UHRF1: variants seen among roughly 807,000 people sequenced by gnomAD.
The protein encoded by UHRF1 is ubiquitin like with PHD and ring finger domains 1.
A neutral mutation model predicts 96.5 loss-of-function variants in UHRF1; 9 were observed. That is an observed-to-expected ratio of 0.09 (90% CI 0.06 to 0.16). The LOEUF is 0.16. Ranked by LOEUF, UHRF1 falls within the 10% of genes least tolerant of loss-of-function variation. The pLI is 1.00. For missense variants in UHRF1, 626 were observed against 1,131.1 expected (o/e 0.55, Z 6.40); for synonymous variants, 455 against 469.9 (o/e 0.97, Z 0.41).
chr19:4,928,337 G>A (rs964465085), intron 2 of UHRF1, among the ~76,000 whole-genome samples: 2 of 151,790 alleles, frequency 1.3e-5, no homozygotes, highest in Admixed American at 1.3e-4. Flanking sequence ...GGAGGGGGGG[G>A]TCCTAGATGG....
intron 5 of UHRF1, among the ~76,000 whole-genome samples, chr19:4,938,908 T>C (rs2033300407): frequency 6.7e-6 from 1 of 149,834 alleles, no homozygotes; most frequent in South Asian, 2.1e-4. Flanking sequence ...CATGCCTGAC[T>C]AATTTTTTTT....
chr19:4,904,257 C>A (rs1157905894), intron 1 of UHRF1, among the ~76,000 whole-genome samples: 2 of 152,160 alleles, frequency 1.3e-5, no homozygotes, highest in Non-Finnish European at 2.9e-5. Flanking sequence ...CGGCTCACTG[C>A]AAGCTCCGCC....
exon 1 of UHRF1, chr19:4,903,529 G>A (rs2031992526): frequency 6.6e-6 from 1 of 151,712 alleles, no homozygotes; most frequent in Non-Finnish European, 1.5e-5. Context: ...TTTTGTGATG[G>A]TCTCACTCTG....
At chr19:4,929,133 G>A in intron 2 of UHRF1, 89 bp from the exon 3 acceptor site, 1 of 1,520,746 alleles carries the variant, frequency 6.6e-7, no homozygotes, top group African/African-American at 1.4e-5. Context: ...ACAAGGGCTG[G>A]GACACAGTGT....
At chr19:4,906,844 T>G (rs1319010032), upstream of UHRF1, among the ~76,000 whole-genome samples, 1 of 152,238 alleles carries the variant, frequency 6.6e-6, no homozygotes, top group Admixed American at 6.6e-5. Context: ...GATGATGTGT[T>G]CTGATAGAAA....
At chr19:4,942,291 C>G (rs1024802512) in intron 7 of UHRF1, among the ~76,000 whole-genome samples, 1 of 151,590 alleles carries the variant, frequency 6.6e-6, no homozygotes, top group Non-Finnish European at 1.5e-5. Flanking sequence ...CTCGGGTTCA[C>G]GCCATTCTCC....
chr19:4,934,685 G>A (rs758402794), intron 5 of UHRF1, among the ~76,000 whole-genome samples: 24 of 152,254 alleles, frequency 1.6e-4, no homozygotes, highest in African/African-American at 5.8e-4. Flanking sequence ...CTATAAACAC[G>A]AGCATCTTGG....
At chr19:4,934,980 CT>C (rs34325579) in intron 5 of UHRF1, among the ~76,000 whole-genome samples, 22,744 of 149,860 alleles carry the variant, frequency 0.15, 1,982 homozygotes, top group Non-Finnish European at 0.2. Flanking sequence ...TGGTGACTAA[CT>C]TTTTTTTTTT....
intron 9 of UHRF1, 122 bp downstream of exon 9, chr19:4,944,572 C>A: frequency 9.4e-7 from 1 of 1,065,268 alleles, no homozygotes; most frequent in South Asian, 1.4e-5. Context: ...CTCGGCTAGC[C>A]GAGGAGGGGT....
chr19:4,946,183 C>T (rs963694051), intron 10 of UHRF1, among the ~76,000 whole-genome samples: 1 of 152,026 alleles, frequency 6.6e-6, no homozygotes, highest in Non-Finnish European at 1.5e-5. Context: ...GCACTCACTC[C>T]CCACCCCCTC....
intron 2 of UHRF1, among the ~76,000 whole-genome samples, chr19:4,926,521 A>C (rs575194965): frequency 6.6e-6 from 1 of 152,288 alleles, no homozygotes; most frequent in South Asian, 2.1e-4. Flanking sequence ...GTACATATTC[A>C]AACGGGTTTT....
Position 4,940,404 on chromosome 19 carries a change from C to T in UHRF1, c.786-1124C>T, listed in dbSNP as rs189653333. Among the ~76,000 whole-genome samples the T allele has an allele frequency of 4.0e-3, 485 of 119,842 alleles. 1 individual carries two copies. The highest frequency in any genetic ancestry group is 0.014 in the African/African-American group (461 of 33,210). 78.6% of individuals were successfully genotyped at this position (119,842 alleles called of 152,430 possible). The stretch of plus-strand genomic sequence containing the variant: ...TTTTTGAGATGGAGTCTTGCTCTGT[C>T]GCCCATGCTGGAGTGCAGTGGCGTG... On this transcript the variant is annotated intron_variant, in intron 5 of 16. Transcript: ENST00000650932.
At chr19:4,922,938 G>A (rs2032748296) in intron 2 of UHRF1, among the ~76,000 whole-genome samples, 1 of 152,194 alleles carries the variant, frequency 6.6e-6, no homozygotes, top group African/African-American at 2.4e-5. Flanking sequence ...CGAAGTCATG[G>A]AGGGGCGACC....
upstream of UHRF1, among the ~76,000 whole-genome samples, chr19:4,904,643 C>T (rs370175077): frequency 1.4e-4 from 22 of 152,312 alleles, no homozygotes; most frequent in Middle Eastern, 3.4e-3. Context: ...CCTGCATCTC[C>T]CCCATTGGAT....
intron 2 of UHRF1, among the ~76,000 whole-genome samples, chr19:4,924,482 C>G (rs934179891): frequency 1.3e-5 from 2 of 152,324 alleles, no homozygotes; most frequent in East Asian, 3.9e-4. Context: ...CGGGGTTTGG[C>G]AATGTTGCCC....
chr19:4,926,855 G>A (rs7246398), intron 2 of UHRF1, among the ~76,000 whole-genome samples: 1,834 of 152,160 alleles, frequency 0.012, 44 homozygotes, highest in African/African-American at 0.041. Context: ...ACGAGGTCAG[G>A]AGATCGAGAC....
At chr19:4,941,964 A>G in intron 7 of UHRF1, 33 bp downstream of exon 7, 1 of 1,452,214 alleles carries the variant, frequency 6.9e-7, no homozygotes, top group Non-Finnish European at 9.1e-7. Context: ...CGGGGAGACC[A>G]GAGCGCCCCC....
At chr19:4,912,111 G>A (rs372010904) in intron 2 of UHRF1, among the ~76,000 whole-genome samples, 2 of 152,114 alleles carry the variant, frequency 1.3e-5, no homozygotes, top group African/African-American at 2.4e-5. Flanking sequence ...CCCTCTTCCC[G>A]TAAGAGACGT....
Position 4,961,011 on chromosome 19 carries a change from T to G in UHRF1, c.*208T>G, listed in dbSNP as rs1169402358. ...ATGTATTCTGGCTAAAAGTTGGACT[T>G]CTCAGTATTGTGTTTAGTTCTTTGA... On this transcript the variant is annotated 3_prime_UTR_variant, in exon 17 of 17. Transcript: ENST00000650932. 4 of 324,936 alleles carry G rather than the reference T, an allele frequency of 1.2e-5. No homozygotes were observed. In the East Asian group the frequency reaches 2.4e-4, roughly 20 times the overall value. 20.1% of individuals were successfully genotyped at this position (324,936 alleles called of 1,614,324 possible). A position where few individuals can be genotyped will look rare whatever the true frequency, so the allele number is the denominator to read the frequency against.
Sources: allele counts gnomAD v4.1 joint callset (sites outside exome capture counted in the v4.1 genomes callset), GRCh38; gene constraint gnomAD v4.1.1; transcripts MANE v1.5; gene names NCBI Gene and HGNC (gene_info 2026-07-23, HGNC 2026-07-21).